The following MYO7A variants were observed in gnomAD, a reference collection of about 807,000 sequenced individuals.
The protein encoded by MYO7A is myosin VIIA, also known as unconventional myosin-VIIa.
Under a neutral mutation model 263.8 loss-of-function variants are expected in MYO7A, and 210 were observed. That is an observed-to-expected ratio of 0.80 (90% CI 0.71 to 0.89). MYO7A has a LOEUF of 0.89. Ranked by LOEUF, MYO7A falls within the 40% of genes least tolerant of loss-of-function variation. The pLI is 0.00. For missense variants in MYO7A, 2,820 were observed against 2,968.3 expected (o/e 0.95, Z 1.16); for synonymous variants, 1,239 against 1,197.3 (o/e 1.03, Z -0.72).
At position 77,139,682 on chromosome 11, in the gene MYO7A, C is replaced by CT. The variant is rs1951091154; in HGVS notation, c.19-3025dup. ...AAGCTTCATCTTCTTTCATGGCTTC[C>CT]TTCCTCCCTTCCTTCTCCCTCTGAG... is the stretch of plus-strand genomic sequence containing the variant. On this transcript the variant is annotated intron_variant, in intron 2 of 48. Coordinates refer to ENST00000409709, the MANE Select transcript of MYO7A (RefSeq NM_000260.4). Among the ~76,000 whole-genome samples the CT allele has an allele frequency of 3.3e-5, 5 of 152,246 alleles. No individual in the cohort carries two copies. In the South Asian group the frequency reaches 1.0e-3, roughly 32 times the overall value.
At chr11:77,184,420 C>A (rs190164805) in intron 26 of MYO7A, among the ~76,000 whole-genome samples, 168 bp from the exon 27 acceptor site, 9 of 152,316 alleles carry the variant, frequency 5.9e-5, no homozygotes, top group Admixed American at 5.9e-4. Flanking sequence ...ATTGGCCCAG[C>A]ATCTGCTGTG....
Position 77,211,200 on chromosome 11 carries a change from G to T in MYO7A, c.6100G>T (p.Val2034Leu), listed in dbSNP as rs1203792185. 1.3e-6 allele frequency: 2 copies of T among 1,593,432 alleles called. No homozygotes were observed. The highest frequency in any genetic ancestry group is 1.1e-5 in the South Asian group (1 of 86,992). Residue 2034 changes from valine to leucine, a missense_variant, in exon 45 of 49, where the codon GTG becomes TTG. Val to Leu is a conservative substitution (Grantham distance 32). Transcript: ENST00000409709. The part of the protein sequence containing the change: ...RGYHKCTREE[V>L]LQLGALIYRV... Reference sequence around the variant, plus strand: ...CTACCACAAGTGCACGCGGGAGGAGGTGCTGCAGCTGGGGGCGCTGATCTA... The same window carrying T: ...CTACCACAAGTGCACGCGGGAGGAGTTGCTGCAGCTGGGGGCGCTGATCTA...
chr11:77,211,840 A>G lies in MYO7A; in HGVS notation c.6257A>G (p.Asn2086Ser), dbSNP rs572599723. ...CCATAGTCCATCGTCGCCTACTTCA[A>G]CAAGCACGCAGGGAAGTCCAAGGAG... ...DWKRSIVAYF[N>S]KHAGKSKEEA... is the part of the protein sequence containing the mutation. Residue 2086 changes from asparagine (N) to serine (S), a missense_variant, in exon 46 of 49, where the codon AAC becomes AGC. Transcript: ENST00000409709. The G allele has an allele frequency of 3.1e-6, 5 of 1,613,914 alleles. No individual in the cohort carries two copies. Among genetic ancestry groups the G allele is most frequent in the East Asian group, 2.2e-5 (1 of 44,870 alleles).
Position 77,170,469 on chromosome 11 carries a change from A to C in MYO7A, c.1798-2279A>C, listed in dbSNP as rs942811440. Among the ~76,000 whole-genome samples the C allele has an allele frequency of 7.2e-5, 11 of 152,110 alleles. 1 individual carries two copies. Among genetic ancestry groups the C allele is most frequent in the Admixed American group, 7.2e-4 (11 of 15,274 alleles). On this transcript the variant is annotated intron_variant, in intron 15 of 48. Coordinates refer to ENST00000409709, the MANE Select transcript of MYO7A (RefSeq NM_000260.4). ...CCTTTGGGGCACTGTGGGTCCCTACAAGGACCTGTGCCTTCATGCGAGTGA... is the reference window on the plus strand; with the variant it reads ...CCTTTGGGGCACTGTGGGTCCCTACCAGGACCTGTGCCTTCATGCGAGTGA...
chr11:77,137,238 C>T (rs1555047828), intron 2 of MYO7A, among the ~76,000 whole-genome samples: 1 of 152,150 alleles, frequency 6.6e-6, no homozygotes, highest in African/African-American at 2.4e-5. Context: ...ACAGCAGAGC[C>T]CTGGGTTCCC....
chr11:77,162,935 A>T lies in MYO7A; in HGVS notation c.1637A>T (p.Glu546Val), dbSNP rs782413969. 1 of 1,613,914 alleles carries T rather than the reference A, an allele frequency of 6.2e-7. No homozygotes were observed. Among genetic ancestry groups the T allele is most frequent in the East Asian group, 2.2e-5 (1 of 44,884 alleles). The part of the protein sequence containing the change: ...ANYIPPKNNH[E>V]TQFGINHFAG... ...TACATCCCCCCCAAGAACAACCATG[A>T]GACCCAGTTTGGCATCAACCATTTT... is the stretch of plus-strand genomic sequence containing the variant. The change falls in exon 14 of 49, where the codon GAG becomes GTG. Residue 546 changes from glutamate to valine, a missense_variant. Glu to Val is a moderately radical substitution (Grantham distance 121). Coordinates refer to ENST00000409709, the MANE Select transcript of MYO7A (RefSeq NM_000260.4).
intron 26 of MYO7A, among the ~76,000 whole-genome samples, chr11:77,183,856 G>T (rs1032263636): frequency 3.5e-4 from 54 of 152,202 alleles, no homozygotes; most frequent in African/African-American, 1.3e-3. Context: ...CCCACCTGAG[G>T]CACAAATCCA....
At chr11:77,133,880 T>G (rs568034848) in intron 2 of MYO7A, among the ~76,000 whole-genome samples, 1 of 152,390 alleles carries the variant, frequency 6.6e-6, no homozygotes, top group South Asian at 2.1e-4. Flanking sequence ...TCATTTACTC[T>G]TCTGTGTATT....
Position 77,201,597 on chromosome 11 carries a change from T to A in MYO7A, c.5002T>A (p.Tyr1668Asn), listed in dbSNP as rs1957068750. ...TGGGGACTTCCCCACCGACAGTGTG[T>A]ACGTCATGCCCACTGTCACCATGCC... ...QRGDFPTDSV[Y>N]VMPTVTMPPR... is the part of the protein sequence containing the mutation. The change falls in exon 36 of 49, where the codon TAC (tyrosine) becomes AAC (asparagine). Residue 1668 changes from tyrosine (Y) to asparagine (N), a missense_variant. Coordinates refer to ENST00000409709, the MANE Select transcript of MYO7A (RefSeq NM_000260.4). 2 of 1,613,788 alleles carry A rather than the reference T, an allele frequency of 1.2e-6. No individual in the cohort carries two copies. Among genetic ancestry groups the A allele is most frequent in the South Asian group, 2.2e-5 (2 of 91,090 alleles).
At chr11:77,160,938 G>T in intron 11 of MYO7A, 35 bp from the exon 12 acceptor site, 1 of 1,576,280 alleles carries the variant, frequency 6.3e-7, no homozygotes, top group Non-Finnish European at 8.6e-7. Context: ...GGGGGAGGGT[G>T]TGGCTGGTGC....
In MYO7A at chr11:77,214,217, A is replaced by G. The variant is rs112915534; in HGVS notation, c.6558+238A>G. On this transcript the variant is annotated intron_variant, in intron 48 of 48. Transcript: ENST00000409709. ...CAACTGTTGTCTGAGTGCCTTCAGTATCTGGGGATCGGGCCCACTGTGACA... is the reference window on the plus strand; with the variant it reads ...CAACTGTTGTCTGAGTGCCTTCAGTGTCTGGGGATCGGGCCCACTGTGACA... Among the ~76,000 whole-genome samples the G allele has an allele frequency of 0.033, 5,028 of 152,280 alleles. 160 individuals are homozygous for G. Among genetic ancestry groups the G allele is most frequent in the African/African-American group, 0.083 (3,457 of 41,554 alleles).
intron 25 of MYO7A, 39 bp from the exon 26 acceptor site, chr11:77,183,029 T>G (rs1203391328): frequency 1.3e-6 from 2 of 1,526,476 alleles, no homozygotes; most frequent in African/African-American, 2.8e-5. Context: ...CATTGCTTTC[T>G]GCTCAGCCAC....
chr11:77,204,335 C>A, intron 39 of MYO7A, 106 bp downstream of exon 39: 2 of 1,443,948 alleles, frequency 1.4e-6, no homozygotes, highest in Non-Finnish European at 1.9e-6. Flanking sequence ...GCAGTCCTTC[C>A]TCACACAGAG....
rs189319166 is a variant in MYO7A, at chr11:77,200,376, C to T, written c.4852+558C>T. 2.0e-5 allele frequency among the ~76,000 whole-genome samples: 3 copies of T among 152,268 alleles called. No homozygotes were observed. The East Asian group carries it at 5.8e-4, about 29-fold the overall frequency. ...CTCATGGCAGAAGGAGAAGGGGTGC[C>T]TGCATCAGAAGGAAGGAAGAGAGCA... is the stretch of plus-strand genomic sequence containing the variant. On this transcript the variant is annotated intron_variant, in intron 35 of 48. Coordinates refer to ENST00000409709, the MANE Select transcript of MYO7A (RefSeq NM_000260.4).
chr11:77,134,804 A>T (rs1950865268), intron 2 of MYO7A, among the ~76,000 whole-genome samples: 2 of 133,944 alleles, frequency 1.5e-5, no homozygotes, highest in Admixed American at 7.8e-5. Context: ...TTTTTTTGAG[A>T]CAGAGTCTCA....
intron 2 of MYO7A, among the ~76,000 whole-genome samples, chr11:77,133,719 A>G (rs1242742484): frequency 6.6e-6 from 1 of 152,044 alleles, no homozygotes; most frequent in Non-Finnish European, 1.5e-5. Context: ...GGAGAGTTTA[A>G]TCTATTTACA....
intron 4 of MYO7A, among the ~76,000 whole-genome samples, chr11:77,151,735 C>G (rs1262051378): frequency 6.6e-6 from 1 of 152,248 alleles, no homozygotes; most frequent in South Asian, 2.1e-4. Context: ...GGCCAGAGGG[C>G]TCAGGGAGCA....
At chr11:77,182,728 C>T in intron 25 of MYO7A, 128 bp downstream of exon 25, 1 of 985,678 alleles carries the variant, frequency 1.0e-6, no homozygotes, top group South Asian at 1.6e-5. Context: ...CCGACCCCTG[C>T]CTGCCACCCT....
intron 4 of MYO7A, among the ~76,000 whole-genome samples, chr11:77,151,726 G>A (rs1032630157): frequency 1.3e-5 from 2 of 152,250 alleles, no homozygotes; most frequent in South Asian, 4.1e-4. Context: ...AGAGAGATTG[G>A]CCAGAGGGCT....
Sources: gnomAD v4.1 joint callset for allele counts (sites outside exome capture counted in the v4.1 genomes callset) on GRCh38, gnomAD v4.1.1 for gene constraint, MANE v1.5 for transcripts, NCBI Gene and HGNC (gene_info 2026-07-23, HGNC 2026-07-21) for gene names.